The following AUTS2 variants were observed in gnomAD, a reference collection of about 807,000 sequenced individuals.
AUTS2 encodes autism susceptibility gene 2 protein.
A neutral mutation model predicts 112.4 loss-of-function variants in AUTS2; 17 were observed. The ratio of observed to expected loss-of-function variants is 0.15; its 90% CI spans 0.10 to 0.23. AUTS2 has a LOEUF of 0.23. Among genes scored for constraint, AUTS2 ranks in the 10% least tolerant of loss-of-function variants. AUTS2 has a pLI of 1.00. For synonymous variants in AUTS2, 751 were observed against 702.7 expected (o/e 1.07, Z -1.09); for missense variants, 1,510 against 1,701.6 (o/e 0.89, Z 1.98).
At chr7:70,334,194 T>G (rs1790885274) in intron 4 of AUTS2, among the ~76,000 whole-genome samples, 1 of 152,160 alleles carries the variant, frequency 6.6e-6, no homozygotes, top group Non-Finnish European at 1.5e-5. Flanking sequence ...AGCTTTGTCT[T>G]TTTCCACTGA....
chr7:70,723,479 A>C (rs1309827435), intron 6 of AUTS2, among the ~76,000 whole-genome samples: 1 of 151,940 alleles, frequency 6.6e-6, no homozygotes, highest in East Asian at 2.0e-4. Context: ...GCACACCTGG[A>C]TTTGGCAGAA....
chr7:69,912,257 C>T (rs149723137), intron 2 of AUTS2, among the ~76,000 whole-genome samples: 132 of 152,316 alleles, frequency 8.7e-4, no homozygotes, highest in African/African-American at 3.0e-3. Flanking sequence ...AGAGTAGGCA[C>T]TTCCAAGACT....
At chr7:70,516,335 T>A (rs1799417196) in intron 5 of AUTS2, among the ~76,000 whole-genome samples, 1 of 152,206 alleles carries the variant, frequency 6.6e-6, no homozygotes, top group Admixed American at 6.5e-5. Flanking sequence ...CCATTTTCAG[T>A]TTCCGGCATG....
intron 6 of AUTS2, among the ~76,000 whole-genome samples, chr7:70,712,030 TC>T (rs1810080644): frequency 1.5e-5 from 1 of 66,592 alleles, no homozygotes; most frequent in Admixed American, 1.8e-4. Context: ...TCTTTTTCTT[TC>T]CTTTTTTTTT....
At chr7:70,032,950 A>G (rs1306397902) in intron 2 of AUTS2, among the ~76,000 whole-genome samples, 4 of 152,144 alleles carry the variant, frequency 2.6e-5, no homozygotes, top group Non-Finnish European at 4.4e-5. Context: ...ATATGGTGTG[A>G]CTATATTTGT....
chr7:70,279,447 G>T (rs1412366224), intron 4 of AUTS2, among the ~76,000 whole-genome samples: 1 of 152,174 alleles, frequency 6.6e-6, no homozygotes, highest in African/African-American at 2.4e-5. Flanking sequence ...TGTGAGCTCT[G>T]CAAGAAATGA....
At chr7:70,079,848 G>A (rs1481373814) in intron 2 of AUTS2, among the ~76,000 whole-genome samples, 1 of 152,134 alleles carries the variant, frequency 6.6e-6, no homozygotes, top group African/African-American at 2.4e-5. Context: ...TTGGCAGATG[G>A]TTCTGGAGAC....
intron 4 of AUTS2, among the ~76,000 whole-genome samples, chr7:70,407,393 G>A (rs7804672): frequency 0.23 from 34,634 of 151,936 alleles, 4,202 homozygotes; most frequent in Middle Eastern, 0.34. Flanking sequence ...GCTGACCAAT[G>A]GAACTCACCA....
intron 4 of AUTS2, among the ~76,000 whole-genome samples, chr7:70,273,737 A>G (rs1787801212): frequency 6.6e-6 from 1 of 152,114 alleles, no homozygotes; most frequent in Non-Finnish European, 1.5e-5. Context: ...AGCCCTGTGT[A>G]TGAAAAGTCG....
intron 2 of AUTS2, among the ~76,000 whole-genome samples, chr7:70,018,358 A>T (rs1452987252): frequency 6.6e-6 from 1 of 152,216 alleles, no homozygotes; most frequent in Non-Finnish European, 1.5e-5. Context: ...ATCAGTGAAC[A>T]TCTGTATTTC....
chr7:69,773,529 T>C (rs1788761176), intron 1 of AUTS2, among the ~76,000 whole-genome samples: 1 of 150,016 alleles, frequency 6.7e-6, no homozygotes, highest in Admixed American at 6.6e-5. Flanking sequence ...AAGGGTGGGC[T>C]ACAACAGAAA....
intron 2 of AUTS2, among the ~76,000 whole-genome samples, chr7:70,062,259 C>G (rs945987828): frequency 1.3e-5 from 2 of 151,592 alleles, no homozygotes; most frequent in African/African-American, 2.4e-5. Flanking sequence ...GCCTGTAATC[C>G]CAGCACTTTG....
intron 2 of AUTS2, among the ~76,000 whole-genome samples, chr7:70,109,368 A>G (rs1188285850): frequency 6.6e-6 from 1 of 152,176 alleles, no homozygotes; most frequent in Non-Finnish European, 1.5e-5. Flanking sequence ...TGAATTTCTG[A>G]GCCTATTTGA....
intron 4 of AUTS2, among the ~76,000 whole-genome samples, chr7:70,303,410 ACGCACACACACACGCGCGCGCG>A (rs923593229): frequency 6.8e-6 from 1 of 146,848 alleles, no homozygotes; most frequent in Non-Finnish European, 1.5e-5. Flanking sequence ...ACATGTGTGC[ACGCACACACACACGCGCGCGCG>A]CGCACATACA....
intron 5 of AUTS2, among the ~76,000 whole-genome samples, chr7:70,442,216 A>G (rs1033011731): frequency 1.3e-5 from 2 of 152,250 alleles, no homozygotes; most frequent in Non-Finnish European, 2.9e-5. Flanking sequence ...TTAGGTGCTC[A>G]GTGTTTTGCA....
At chr7:70,712,889 G>C (rs1360929677) in intron 6 of AUTS2, among the ~76,000 whole-genome samples, 1 of 152,200 alleles carries the variant, frequency 6.6e-6, no homozygotes, top group African/African-American at 2.4e-5. Flanking sequence ...GGCTCAGGCA[G>C]TTCTCCTGCT....
intron 1 of AUTS2, among the ~76,000 whole-genome samples, chr7:69,803,302 A>G (rs1459439217): frequency 6.6e-6 from 1 of 152,200 alleles, no homozygotes; most frequent in Non-Finnish European, 1.5e-5. Flanking sequence ...TCTTGAATAA[A>G]TGCTGTCACT....
intron 5 of AUTS2, among the ~76,000 whole-genome samples, chr7:70,501,772 G>A (rs1798781920): frequency 6.6e-6 from 1 of 152,006 alleles, no homozygotes. Context: ...TAATCTAACT[G>A]TGGAGTCAGG....
At chr7:69,767,716 G>A (rs1788488719) in intron 1 of AUTS2, among the ~76,000 whole-genome samples, 1 of 152,236 alleles carries the variant, frequency 6.6e-6, no homozygotes, top group Non-Finnish European at 1.5e-5. Context: ...GTGATCATTT[G>A]CGGATTCCAG....
Sources: allele counts gnomAD v4.1 joint callset (sites outside exome capture counted in the v4.1 genomes callset), GRCh38; gene constraint gnomAD v4.1.1; transcripts MANE v1.5; gene names NCBI Gene and HGNC (gene_info 2026-07-23, HGNC 2026-07-21).